MACROD2: variants seen among roughly 807,000 people sequenced by gnomAD.
MACROD2 encodes the protein mono-ADP ribosylhydrolase 2.
Under a neutral mutation model 70.4 loss-of-function variants are expected in MACROD2, and 36 were observed. The observed-to-expected ratio is 0.51, with a 90% CI of 0.39 to 0.68. The LOEUF (loss-of-function observed/expected upper bound fraction) is 0.68. Ranked by LOEUF, MACROD2 falls within the 30% of genes least tolerant of loss-of-function variation. The probability of loss-of-function intolerance (pLI) is 0.00; values close to 1 mark genes in which losing one functional copy is unlikely to be tolerated. For synonymous variants in MACROD2, 172 were observed against 178.8 expected, an observed-to-expected ratio of 0.96 and a Z score of 0.30; for missense variants, 496 against 538.4, an observed-to-expected ratio of 0.92 and a Z score of 0.78.
At position 15,817,953 on chromosome 20, in the gene MACROD2, A is replaced by C. The variant is rs1600941481; in HGVS notation, c.646-44792A>C. Among the ~76,000 whole-genome samples, 3 of 152,204 alleles carry C rather than the reference A, an allele frequency of 2.0e-5. No individual in the cohort carries two copies. The East Asian group carries it at 5.8e-4, about 29-fold the overall frequency. ...CTGGACCACTTCTTGTTCCCCCAAAAGCTATGCTTTCTTTTTCCTCGAGGA... is the reference window on the plus strand; with the variant it reads ...CTGGACCACTTCTTGTTCCCCCAAACGCTATGCTTTCTTTTTCCTCGAGGA... On this transcript the variant is annotated intron_variant, in intron 8 of 17. Coordinates refer to ENST00000684519, the MANE Select transcript of MACROD2 (RefSeq NM_001351661.2).
chr20:15,571,794 G>A (rs1199284449), intron 8 of MACROD2, among the ~76,000 whole-genome samples: 2 of 151,984 alleles, frequency 1.3e-5, no homozygotes, highest in African/African-American at 4.8e-5. Context: ...AGGATTACTT[G>A]GTCAGACAGA....
chr20:15,511,356 T>C (rs1185844676), intron 8 of MACROD2, among the ~76,000 whole-genome samples: 1 of 152,210 alleles, frequency 6.6e-6, no homozygotes, highest in Non-Finnish European at 1.5e-5. Context: ...TCTGCATTGA[T>C]GTGATGCTAA....
intron 3 of MACROD2, among the ~76,000 whole-genome samples, chr20:14,200,819 T>C (rs994542075): frequency 3.3e-5 from 5 of 152,198 alleles, no homozygotes; most frequent in Non-Finnish European, 7.4e-5. Context: ...TCTTTGTATT[T>C]GAACTTCCTC....
intron 5 of MACROD2, among the ~76,000 whole-genome samples, chr20:14,953,323 T>G (rs181939092): frequency 0.015 from 2,212 of 152,256 alleles, 29 homozygotes; most frequent in Middle Eastern, 0.031. Context: ...TATTTATGTT[T>G]GAGACAGGAG....
chr20:14,303,806 C>A (rs7272424), intron 3 of MACROD2, among the ~76,000 whole-genome samples: 2,425 of 152,256 alleles, frequency 0.016, 56 homozygotes, highest in African/African-American at 0.055. Context: ...TTCAGCAGAA[C>A]AAAATTTCCC....
chr20:15,542,613 A>G (rs149651468), intron 8 of MACROD2, among the ~76,000 whole-genome samples: 6 of 152,290 alleles, frequency 3.9e-5, no homozygotes, highest in African/African-American at 1.4e-4. Flanking sequence ...ATAAAAATGT[A>G]CTGTCTGAAC....
At chr20:15,706,193 A>G (rs2050529684) in intron 8 of MACROD2, among the ~76,000 whole-genome samples, 1 of 152,234 alleles carries the variant, frequency 6.6e-6, no homozygotes, top group East Asian at 1.9e-4. Flanking sequence ...GAATAAAGGT[A>G]GCTTGCTGGA....
intron 5 of MACROD2, among the ~76,000 whole-genome samples, chr20:15,175,032 G>A (rs2076449572): frequency 6.6e-6 from 1 of 151,732 alleles, no homozygotes; most frequent in African/African-American, 2.4e-5. Flanking sequence ...TGTCAATTTT[G>A]GCTTTTGTTG....
At chr20:15,158,699 G>A (rs464232) in intron 5 of MACROD2, among the ~76,000 whole-genome samples, 1 of 152,000 alleles carries the variant, frequency 6.6e-6, no homozygotes. Flanking sequence ...ACTCAGTTCC[G>A]GCAATATTAG....
At chr20:14,611,764 G>A (rs1412850131) in intron 4 of MACROD2, among the ~76,000 whole-genome samples, 1 of 151,966 alleles carries the variant, frequency 6.6e-6, no homozygotes, top group African/African-American at 2.4e-5. Flanking sequence ...TTTAACCTTA[G>A]GAGACTCAGA....
intron 4 of MACROD2, among the ~76,000 whole-genome samples, chr20:14,518,119 A>G (rs529611493): frequency 1.4e-5 from 2 of 147,118 alleles, no homozygotes; most frequent in South Asian, 4.3e-4. Context: ...ACACTTTTAA[A>G]AATAAAGATA....
chr20:15,969,273 A>G (rs1036716373), intron 13 of MACROD2, among the ~76,000 whole-genome samples: 1 of 152,182 alleles, frequency 6.6e-6, no homozygotes, highest in Admixed American at 6.6e-5. Flanking sequence ...CAAATCATTT[A>G]TATAAATAAT....
rs888039423 is a variant in MACROD2 at position 15,912,020 on chromosome 20, C to A, written c.776-21256C>A. ...AAACTCCGACTCAAAAAACAAAAAACAAAACAACAACAAAAATAATTGCAT... is the reference window on the plus strand; with the variant it reads ...AAACTCCGACTCAAAAAACAAAAAAAAAAACAACAACAAAAATAATTGCAT... On this transcript the variant is annotated intron_variant, in intron 10 of 17. Coordinates refer to ENST00000684519, the MANE Select transcript of MACROD2 (RefSeq NM_001351661.2). 2.6e-5 allele frequency among the ~76,000 whole-genome samples: 4 copies of A among 152,174 alleles called. No individual in the cohort carries two copies. The East Asian group carries it at 7.7e-4, about 29-fold the overall frequency.
chr20:14,940,241 G>T (rs970036637), intron 5 of MACROD2, among the ~76,000 whole-genome samples: 1 of 151,864 alleles, frequency 6.6e-6, no homozygotes, highest in African/African-American at 2.4e-5. Context: ...AGCTAAGTTG[G>T]GAGGAACACC....
At chr20:15,714,643 A>G (rs1179679149) in intron 8 of MACROD2, among the ~76,000 whole-genome samples, 4 of 152,204 alleles carry the variant, frequency 2.6e-5, no homozygotes, top group African/African-American at 4.8e-5. Flanking sequence ...TTGTATTCCT[A>G]TGACACATCA....
In MACROD2 at chr20:15,610,732, G is replaced by A. The variant is rs1409093159; in HGVS notation, c.645+110885G>A. Among the ~76,000 whole-genome samples the A allele has an allele frequency of 4.6e-5, 7 of 152,186 alleles. No homozygotes were observed. In the East Asian group the frequency reaches 5.8e-4, roughly 13 times the overall value. On this transcript the variant is annotated intron_variant, in intron 8 of 17. Transcript: ENST00000684519. ...GCTCTCAGTATTCTCTGCATTTACCGTGTGCTTTGGATTTGGAGTTGACCA... is the reference window on the plus strand; with the variant it reads ...GCTCTCAGTATTCTCTGCATTTACCATGTGCTTTGGATTTGGAGTTGACCA...
intron 5 of MACROD2, among the ~76,000 whole-genome samples, chr20:15,216,554 A>G (rs553678204): frequency 4.3e-4 from 66 of 152,310 alleles, no homozygotes; most frequent in African/African-American, 1.6e-3. Context: ...TTAGAAATTG[A>G]GTATCTTACA....
chr20:15,332,904 A>G (rs2078008196), intron 6 of MACROD2, among the ~76,000 whole-genome samples: 1 of 150,998 alleles, frequency 6.6e-6, no homozygotes, highest in Admixed American at 6.6e-5. Context: ...GGAAACTCAG[A>G]AGTCTGCCTT....
At chr20:14,917,573 C>A (rs1347897107) in intron 5 of MACROD2, among the ~76,000 whole-genome samples, 1 of 151,996 alleles carries the variant, frequency 6.6e-6, no homozygotes, top group Non-Finnish European at 1.5e-5. Context: ...TATGGAAGAC[C>A]AACACATAGA....
Sources: allele counts gnomAD v4.1 joint callset (sites outside exome capture counted in the v4.1 genomes callset), GRCh38; gene constraint gnomAD v4.1.1; transcripts MANE v1.5; gene names NCBI Gene and HGNC (gene_info 2026-07-23, HGNC 2026-07-21).